The following UBE2E2 variants were observed in gnomAD, a reference collection of about 807,000 sequenced individuals.
UBE2E2 encodes the protein ubiquitin-conjugating enzyme E2 E2.
In UBE2E2, 6 loss-of-function variants were observed where a neutral mutation model predicts 24.7. The ratio of observed to expected loss-of-function variants is 0.24; its 90% CI spans 0.13 to 0.48. The LOEUF is 0.48. UBE2E2 is among the 20% of genes least tolerant of loss of function. The probability of loss-of-function intolerance (pLI) is 0.99; values close to 1 mark genes in which losing one functional copy is unlikely to be tolerated. For synonymous variants in UBE2E2, 104 were observed against 83.6 expected (o/e 1.24, Z -1.33); for missense variants, 169 against 245.0 (o/e 0.69, Z 2.07).
chr3:23,316,249 C>G (rs1245533091), intron 3 of UBE2E2, among the ~76,000 whole-genome samples: 1 of 152,084 alleles, frequency 6.6e-6, no homozygotes, highest in Non-Finnish European at 1.5e-5. Flanking sequence ...CATCCAAGAG[C>G]GAGGGCCCGG....
At chr3:23,426,280 A>C (rs983953985) in intron 3 of UBE2E2, among the ~76,000 whole-genome samples, 1 of 152,158 alleles carries the variant, frequency 6.6e-6, no homozygotes, top group African/African-American at 2.4e-5. Flanking sequence ...CATATGCATG[A>C]TGAGAATACC....
chr3:23,252,495 A>T (rs558256871), intron 3 of UBE2E2, among the ~76,000 whole-genome samples: 109 of 150,384 alleles, frequency 7.2e-4, no homozygotes, highest in Middle Eastern at 3.5e-3. Flanking sequence ...ATTAAAAAAA[A>T]TTTTTTTTTT....
rs1198112980 is a variant in UBE2E2 at position 23,413,558 on chromosome 3, CCT to C, written c.228-86043_228-86042del. Among the ~76,000 whole-genome samples the C allele has an allele frequency of 7.2e-5, 11 of 152,178 alleles. No homozygotes were observed. In the East Asian group the frequency reaches 1.4e-3, roughly 19 times the overall value. ...CTTCACTTTTGGTGTAAAAGATTCT[CCT>C]CTCTCTGCCTGGAACCACTCCTTGG... On this transcript the variant is annotated intron_variant, in intron 3 of 5. Transcript: ENST00000396703.
At chr3:23,481,708 A>G (rs1699263670) in intron 3 of UBE2E2, among the ~76,000 whole-genome samples, 1 of 152,204 alleles carries the variant, frequency 6.6e-6, no homozygotes, top group South Asian at 2.1e-4. Flanking sequence ...CAACAACCCA[A>G]CATGTTAGCA....
intron 5 of UBE2E2, among the ~76,000 whole-genome samples, chr3:23,557,740 T>C (rs1695825462): frequency 6.6e-6 from 1 of 152,180 alleles, no homozygotes; most frequent in Admixed American, 6.5e-5. Context: ...TCCCCATCAT[T>C]AACTTACTTT....
chr3:23,571,280 C>CTTTCTTTTTTTTTTTTTTTTTTTT (rs1696218039), intron 5 of UBE2E2, among the ~76,000 whole-genome samples: 2 of 29,866 alleles, frequency 6.7e-5, no homozygotes, highest in African/African-American at 1.0e-4. Flanking sequence ...GTGCTCCTTT[C>CTTTCTTTTTTTTTTTTTTTTTTTT]TTTTTTTTTT....
chr3:23,264,335 AAAAAAAT>A (rs781073160), intron 3 of UBE2E2, among the ~76,000 whole-genome samples: 3 of 152,034 alleles, frequency 2.0e-5, no homozygotes, highest in South Asian at 2.1e-4. Flanking sequence ...TTTCTATAGC[AAAAAAAT>A]AAAAAATAAA....
chr3:23,513,700 C>T (rs959468404), intron 4 of UBE2E2, among the ~76,000 whole-genome samples: 7 of 152,200 alleles, frequency 4.6e-5, no homozygotes, highest in Non-Finnish European at 7.4e-5. Context: ...TCTTTTCCTA[C>T]ATCCTTATCA....
chr3:23,578,317 A>G (rs904789079), intron 5 of UBE2E2, among the ~76,000 whole-genome samples: 1 of 152,216 alleles, frequency 6.6e-6, no homozygotes, highest in Non-Finnish European at 1.5e-5. Context: ...AAAGGAATGC[A>G]TTTACACTGT....
chr3:23,304,771 T>C (rs940913736), intron 3 of UBE2E2, among the ~76,000 whole-genome samples: 22 of 152,224 alleles, frequency 1.4e-4, no homozygotes, highest in African/African-American at 3.9e-4. Flanking sequence ...GAACTTTTCA[T>C]TGTTTTCATT....
intron 3 of UBE2E2, among the ~76,000 whole-genome samples, chr3:23,332,427 G>T (rs1012706886): frequency 1.2e-4 from 19 of 152,162 alleles, no homozygotes; most frequent in African/African-American, 3.6e-4. Flanking sequence ...TTGTACCTGG[G>T]CATCTTGCCA....
intron 1 of UBE2E2, among the ~76,000 whole-genome samples, chr3:23,205,539 A>G (rs1575468231): frequency 1.3e-5 from 2 of 152,318 alleles, no homozygotes; most frequent in South Asian, 4.1e-4. Flanking sequence ...TTCTGTAATC[A>G]AGCATTCAAA....
chr3:23,480,148 C>T lies in UBE2E2; in HGVS notation c.228-19460C>T, dbSNP rs1324752612. Among the ~76,000 whole-genome samples, 4 of 152,206 alleles carry T rather than the reference C, an allele frequency of 2.6e-5. No homozygotes were observed. The South Asian group carries it at 6.2e-4, about 24-fold the overall frequency. On this transcript the variant is annotated intron_variant, in intron 3 of 5. Transcript: ENST00000396703. ...GCCCACAGGTCCATGCCAAGCTGCC[C>T]GCAGTGCCCCCGGCCTCCCTCCTGC...
chr3:23,307,444 C>T (rs1335164178), intron 3 of UBE2E2, among the ~76,000 whole-genome samples: 1 of 152,102 alleles, frequency 6.6e-6, no homozygotes, highest in Non-Finnish European at 1.5e-5. Context: ...ACTCCCTGTA[C>T]CTCCATAATG....
At chr3:23,384,027 G>A (rs978828869) in intron 3 of UBE2E2, among the ~76,000 whole-genome samples, 1 of 152,128 alleles carries the variant, frequency 6.6e-6, no homozygotes, top group African/African-American at 2.4e-5. Flanking sequence ...TTTGGAGATT[G>A]CTCTGTGTCC....
At chr3:23,272,602 A>G (rs907340046) in intron 3 of UBE2E2, among the ~76,000 whole-genome samples, 8 of 152,186 alleles carry the variant, frequency 5.3e-5, no homozygotes, top group Admixed American at 2.0e-4. Context: ...GAGTTTTGCA[A>G]TGGGAGTATG....
At chr3:23,219,881 G>T (rs1696578404) in intron 3 of UBE2E2, among the ~76,000 whole-genome samples, 1 of 152,168 alleles carries the variant, frequency 6.6e-6, no homozygotes, top group African/African-American at 2.4e-5. Flanking sequence ...GGGTGGGTGT[G>T]TGTCACATTC....
chr3:23,562,308 C>G (rs1248232188), intron 5 of UBE2E2, among the ~76,000 whole-genome samples: 1 of 152,146 alleles, frequency 6.6e-6, no homozygotes, highest in Non-Finnish European at 1.5e-5. Context: ...AAGGCCTTTT[C>G]TGCATCTATT....
intron 3 of UBE2E2, among the ~76,000 whole-genome samples, chr3:23,462,499 A>G (rs148209328): frequency 2.0e-5 from 3 of 152,190 alleles, no homozygotes; most frequent in Non-Finnish European, 4.4e-5. Context: ...CATCTTTGCT[A>G]TTCACGACGA....
Sources: allele counts gnomAD v4.1 joint callset (sites outside exome capture counted in the v4.1 genomes callset), GRCh38; gene constraint gnomAD v4.1.1; transcripts MANE v1.5; gene names NCBI Gene and HGNC (gene_info 2026-07-23, HGNC 2026-07-21).